Variants in PRKCB observed in about 807,000 individuals in gnomAD.
PRKCB encodes the protein protein kinase C beta type.
Under a neutral mutation model 81.5 loss-of-function variants are expected in PRKCB, and 13 were observed. The ratio of observed to expected loss-of-function variants is 0.16; its 90% CI spans 0.10 to 0.25. The LOEUF (loss-of-function observed/expected upper bound fraction) is 0.25. Ranked by LOEUF, PRKCB falls within the 10% of genes least tolerant of loss-of-function variation. The probability of loss-of-function intolerance (pLI) is 1.00; values close to 1 mark genes in which losing one functional copy is unlikely to be tolerated. For missense variants in PRKCB, 509 were observed against 875.7 expected, an observed-to-expected ratio of 0.58 and a Z score of 5.29; for synonymous variants, 335 against 321.4, an observed-to-expected ratio of 1.04 and a Z score of -0.45.
At chr16:23,925,657 G>A (rs1963887310) in intron 2 of PRKCB, among the ~76,000 whole-genome samples, 1 of 152,040 alleles carries the variant, frequency 6.6e-6, no homozygotes, top group Non-Finnish European at 1.5e-5. Flanking sequence ...AAATTGAGAA[G>A]GCACAAGTGC....
At chr16:23,958,704 CTCT>C (rs1004259019) in intron 2 of PRKCB, among the ~76,000 whole-genome samples, 7 of 114,204 alleles carry the variant, frequency 6.1e-5, no homozygotes, top group African/African-American at 1.1e-4. Context: ...TCTCCTCCTC[CTCT>C]TCTTCTTTCT....
At chr16:23,965,225 A>T (rs781192502) in intron 2 of PRKCB, among the ~76,000 whole-genome samples, 3 of 152,224 alleles carry the variant, frequency 2.0e-5, no homozygotes, top group Admixed American at 6.5e-5. Context: ...GCTCCCACTT[A>T]TAAGTGAGAA....
intron 10 of PRKCB, among the ~76,000 whole-genome samples, chr16:24,160,921 G>A (rs1293065832): frequency 6.6e-6 from 1 of 152,102 alleles, no homozygotes; most frequent in Non-Finnish European, 1.5e-5. Flanking sequence ...CATGCTCCGC[G>A]TGTTTGAGGA....
chr16:24,015,321 G>T (rs1596512389), intron 3 of PRKCB, among the ~76,000 whole-genome samples: 1 of 152,230 alleles, frequency 6.6e-6, no homozygotes, highest in African/African-American at 2.4e-5. Flanking sequence ...CTTGCTCGAG[G>T]CTGCACGACT....
chr16:23,953,080 C>T (rs1298266886), intron 2 of PRKCB, among the ~76,000 whole-genome samples: 3 of 152,086 alleles, frequency 2.0e-5, no homozygotes, highest in Admixed American at 1.3e-4. Flanking sequence ...TCATGCCACC[C>T]CAATGAGGTG....
intron 3 of PRKCB, among the ~76,000 whole-genome samples, chr16:24,000,755 A>G (rs1275835481): frequency 6.6e-6 from 1 of 152,162 alleles, no homozygotes; most frequent in Non-Finnish European, 1.5e-5. Context: ...TTCCACCCAG[A>G]GCATGCCCTT....
At position 24,181,220 on chromosome 16, in the gene PRKCB, G is replaced by A. The variant is rs143479496; in HGVS notation, c.1533+292G>A. The stretch of plus-strand genomic sequence containing the variant: ...TCTTCGTCAAACTGTTGTGGCTCAC[G>A]GCCATGTGATACCGCCTAATTATGA... On this transcript the variant is annotated intron_variant, in intron 13 of 16. Coordinates refer to ENST00000643927, the MANE Select transcript of PRKCB (RefSeq NM_002738.7). Among the ~76,000 whole-genome samples, 573 of 152,196 alleles carry A rather than the reference G, an allele frequency of 3.8e-3. 4 individuals are homozygous for A. The highest frequency in any genetic ancestry group is 0.013 in the African/African-American group (527 of 41,516).
chr16:23,907,018 C>G (rs1008006401), intron 2 of PRKCB, among the ~76,000 whole-genome samples: 1 of 152,072 alleles, frequency 6.6e-6, no homozygotes, highest in Admixed American at 6.5e-5. Flanking sequence ...GTGAGTGTCC[C>G]GTGCTGGGAG....
At chr16:23,903,997 A>C (rs1446357560) in intron 2 of PRKCB, among the ~76,000 whole-genome samples, 2 of 152,192 alleles carry the variant, frequency 1.3e-5, no homozygotes, top group African/African-American at 4.8e-5. Flanking sequence ...GTGTCGACTA[A>C]ATGAATATGT....
At chr16:24,112,272 T>C (rs1032330538) in intron 7 of PRKCB, among the ~76,000 whole-genome samples, 3 of 152,160 alleles carry the variant, frequency 2.0e-5, no homozygotes, top group African/African-American at 4.8e-5. Context: ...AGTCAGGCAG[T>C]GGGGGTTGCA....
intron 13 of PRKCB, among the ~76,000 whole-genome samples, chr16:24,184,891 C>A (rs1271252679): frequency 6.6e-6 from 1 of 152,118 alleles, no homozygotes; most frequent in Non-Finnish European, 1.5e-5. Context: ...ATAATAATAA[C>A]AATACACCTT....
chr16:23,958,475 T>G (rs573125437), intron 2 of PRKCB, among the ~76,000 whole-genome samples: 163 of 151,848 alleles, frequency 1.1e-3, no homozygotes, highest in Non-Finnish European at 1.9e-3. Flanking sequence ...CGGCTAATTT[T>G]TGCATTTTTA....
intron 2 of PRKCB, among the ~76,000 whole-genome samples, chr16:23,955,489 C>T (rs957753440): frequency 3.9e-5 from 6 of 152,114 alleles, no homozygotes; most frequent in Non-Finnish European, 7.3e-5. Context: ...TGGGGTGCCG[C>T]GCTTGCCCTC....
intron 5 of PRKCB, among the ~76,000 whole-genome samples, chr16:24,091,297 T>C (rs1398951613): frequency 6.6e-6 from 1 of 152,250 alleles, no homozygotes; most frequent in Non-Finnish European, 1.5e-5. Context: ...ATAGATTTCC[T>C]AAGATTGAAC....
chr16:24,088,684 G>A (rs1360778483), intron 5 of PRKCB, among the ~76,000 whole-genome samples: 3 of 144,164 alleles, frequency 2.1e-5, no homozygotes, highest in Non-Finnish European at 4.5e-5. Flanking sequence ...AGCCGTGATC[G>A]CGCCACCGCA....
At chr16:23,861,420 G>A (rs1296550177) in intron 2 of PRKCB, among the ~76,000 whole-genome samples, 4 of 152,082 alleles carry the variant, frequency 2.6e-5, no homozygotes, top group African/African-American at 4.8e-5. Context: ...TCACACCTCC[G>A]CCTCCTAAAG....
intron 2 of PRKCB, among the ~76,000 whole-genome samples, chr16:23,857,618 G>A (rs1392143695): frequency 3.3e-5 from 5 of 152,152 alleles, no homozygotes; most frequent in Non-Finnish European, 1.5e-5. Flanking sequence ...GCCATAGGGG[G>A]GCCAGGGCAC....
chr16:24,113,738 G>C (rs1235120299), intron 8 of PRKCB, among the ~76,000 whole-genome samples: 1 of 151,986 alleles, frequency 6.6e-6, no homozygotes, highest in African/African-American at 2.4e-5. Flanking sequence ...CCTTTGCAAG[G>C]TTGTTTTATC....
chr16:24,126,070 G>A (rs919831211), intron 9 of PRKCB, among the ~76,000 whole-genome samples: 5 of 152,162 alleles, frequency 3.3e-5, no homozygotes, highest in African/African-American at 2.4e-5. Flanking sequence ...AAGGATTCTG[G>A]GAAGAGAGAT....
Sources: gnomAD v4.1 joint callset for allele counts (sites outside exome capture counted in the v4.1 genomes callset) on GRCh38, gnomAD v4.1.1 for gene constraint, MANE v1.5 for transcripts, NCBI Gene and HGNC (gene_info 2026-07-23, HGNC 2026-07-21) for gene names.